LRRIQ3: variants seen among roughly 807,000 people sequenced by gnomAD.
LRRIQ3 encodes leucine rich repeats and IQ motif containing 3, also known as leucine-rich repeat and IQ domain-containing protein 3.
LRRIQ3 carries 75 observed loss-of-function variants against 59.3 expected under a neutral mutation model. The ratio of observed to expected loss-of-function variants is 1.26; its 90% CI spans 1.05 to 1.53. The LOEUF (loss-of-function observed/expected upper bound fraction) is 1.53. Ranked by LOEUF, LRRIQ3 falls within the 40% of genes most tolerant of loss-of-function variation. LRRIQ3 has a pLI of 0.00. For missense variants in LRRIQ3, 831 were observed against 710.0 expected (o/e 1.17, Z -1.94); for synonymous variants, 250 against 231.3 (o/e 1.08, Z -0.73).
chr1:74,160,659 T>A (rs1262685021), intron 3 of LRRIQ3, among the ~76,000 whole-genome samples: 1 of 152,054 alleles, frequency 6.6e-6, no homozygotes, highest in South Asian at 2.1e-4. Flanking sequence ...AAGGTCAGTT[T>A]CTCATATTGA....
chr1:74,091,394 A>G (rs1429717632), intron 5 of LRRIQ3, among the ~76,000 whole-genome samples: 3 of 152,150 alleles, frequency 2.0e-5, no homozygotes, highest in Non-Finnish European at 4.4e-5. Flanking sequence ...GCAGTACACA[A>G]GACCTGAGGT....
chr1:74,195,149 G>C (rs1651024692), intron 1 of LRRIQ3, among the ~76,000 whole-genome samples: 1 of 152,158 alleles, frequency 6.6e-6, no homozygotes. Context: ...GAAATAAATT[G>C]AGAACAGGCT....
At chr1:74,079,532 C>A (rs1415011946) in intron 5 of LRRIQ3, among the ~76,000 whole-genome samples, 2 of 151,722 alleles carry the variant, frequency 1.3e-5, no homozygotes, top group African/African-American at 2.4e-5. Flanking sequence ...TCTCAACATC[C>A]TACTTGTTTT....
chr1:74,147,045 T>C (rs986853884), intron 4 of LRRIQ3, among the ~76,000 whole-genome samples: 13 of 152,188 alleles, frequency 8.5e-5, no homozygotes, highest in African/African-American at 2.6e-4. Context: ...CTGGGCAACA[T>C]TGCGAAACTC....
chr1:74,167,562 TA>T (rs746633730), intron 3 of LRRIQ3, among the ~76,000 whole-genome samples: 52 of 151,576 alleles, frequency 3.4e-4, no homozygotes, highest in Non-Finnish European at 6.5e-4. Context: ...AACTTCCACA[TA>T]TTTTTTTTTA....
chr1:74,028,635 G>A (rs1653593463), intron 7 of LRRIQ3, among the ~76,000 whole-genome samples: 1 of 151,944 alleles, frequency 6.6e-6, no homozygotes, highest in African/African-American at 2.4e-5. Flanking sequence ...AGTACAGGTA[G>A]TAAAGCCATT....
chr1:74,173,754 TTTCAA>T (rs1172171190), intron 3 of LRRIQ3, among the ~76,000 whole-genome samples: 2 of 152,110 alleles, frequency 1.3e-5, no homozygotes, highest in Non-Finnish European at 2.9e-5. Context: ...ATAAATTTTG[TTTCAA>T]TTCAAAAAAC....
At chr1:74,105,257 ATT>A (rs369709404) in intron 5 of LRRIQ3, among the ~76,000 whole-genome samples, 71,644 of 142,312 alleles carry the variant, frequency 0.5, 18,202 homozygotes, top group East Asian at 0.81. Flanking sequence ...GTGTGTGTGT[ATT>A]TTTTTTTTTT....
At chr1:74,071,291 CA>C (rs1655022065) in intron 6 of LRRIQ3, among the ~76,000 whole-genome samples, 1 of 152,004 alleles carries the variant, frequency 6.6e-6, no homozygotes. Context: ...CTTGGCCTCC[CA>C]AAACTCTGAG....
chr1:74,151,299 T>G (rs1647930879), intron 4 of LRRIQ3, among the ~76,000 whole-genome samples: 1 of 152,184 alleles, frequency 6.6e-6, no homozygotes, highest in African/African-American at 2.4e-5. Context: ...ATGTAAACAC[T>G]ACTTTTTAAA....
chr1:74,115,317 CATTTAA>C (rs1335551279), intron 4 of LRRIQ3, among the ~76,000 whole-genome samples: 1 of 152,064 alleles, frequency 6.6e-6, no homozygotes, highest in African/African-American at 2.4e-5. Context: ...AAGGACAAAA[CATTTAA>C]ATTTAACTTT....
At chr1:74,188,619 G>A (rs1650561605) in intron 1 of LRRIQ3, among the ~76,000 whole-genome samples, 3 of 151,984 alleles carry the variant, frequency 2.0e-5, no homozygotes, top group Non-Finnish European at 4.4e-5. Context: ...ATTATTTAAT[G>A]GCCCTGTTTT....
At chr1:74,154,319 T>C (rs1648192683) in intron 4 of LRRIQ3, among the ~76,000 whole-genome samples, 1 of 149,094 alleles carries the variant, frequency 6.7e-6, no homozygotes, top group Non-Finnish European at 1.5e-5. Context: ...AGCATTATAT[T>C]GATCATCTCA....
chr1:74,134,761 A>G (rs1423507483), intron 4 of LRRIQ3, among the ~76,000 whole-genome samples: 1 of 151,938 alleles, frequency 6.6e-6, no homozygotes, highest in Non-Finnish European at 1.5e-5. Flanking sequence ...AACACAGTAA[A>G]AAGCAAGAAA....
intron 6 of LRRIQ3, among the ~76,000 whole-genome samples, chr1:74,053,850 C>A (rs1369609883): frequency 1.3e-5 from 2 of 152,072 alleles, no homozygotes; most frequent in African/African-American, 2.4e-5. Context: ...GGCCAAAATT[C>A]AAAACATTGA....
At chr1:74,157,502 A>G (rs1648408927) in intron 3 of LRRIQ3, among the ~76,000 whole-genome samples, 1 of 152,080 alleles carries the variant, frequency 6.6e-6, no homozygotes, top group South Asian at 2.1e-4. Flanking sequence ...TTTCATTAAG[A>G]GCCCAAAATC....
intron 5 of LRRIQ3, among the ~76,000 whole-genome samples, chr1:74,096,426 T>C (rs1646450342): frequency 6.6e-6 from 1 of 151,932 alleles, no homozygotes; most frequent in Admixed American, 6.6e-5. Context: ...CTGGACCAAT[T>C]ATAGGAAAGC....
At chr1:74,187,314 TGAGA>T (rs1650462347) in intron 1 of LRRIQ3, among the ~76,000 whole-genome samples, 1 of 149,608 alleles carries the variant, frequency 6.7e-6, no homozygotes, top group Non-Finnish European at 1.5e-5. Context: ...TAAAAAAATG[TGAGA>T]GAGATATATA....
Position 74,041,406 on chromosome 1 carries a change from A to T in LRRIQ3, c.1525T>A (p.Ser509Thr), listed in dbSNP as rs767021441. The T allele has an allele frequency of 6.8e-6, 11 of 1,613,760 alleles. 1 individual carries two copies. The highest frequency in any genetic ancestry group is 8.5e-6 in the Non-Finnish European group (10 of 1,179,862). Reference protein sequence around the residue: ...ERKALFLKEKSQKASERLLVQ... With the variant: ...ERKALFLKEKTQKASERLLVQ... Reference sequence around the variant, plus strand: ...AATAAACGCTCTGAAGCCTTTTGGGATTTTTCTTTTAGAAACAGAGCTTTT... The same window carrying T: ...AATAAACGCTCTGAAGCCTTTTGGGTTTTTTCTTTTAGAAACAGAGCTTTT... The change falls in exon 7 of 8, where the codon TCC becomes ACC. Residue 509 changes from serine (S) to threonine (T), a missense_variant. By Grantham distance (58) the Ser-to-Thr change is moderately conservative. Coordinates refer to ENST00000354431, the MANE Select transcript of LRRIQ3 (RefSeq NM_001105659.2).
Sources: gnomAD v4.1 joint callset for allele counts (sites outside exome capture counted in the v4.1 genomes callset) on GRCh38, gnomAD v4.1.1 for gene constraint, MANE v1.5 for transcripts, NCBI Gene and HGNC (gene_info 2026-07-23, HGNC 2026-07-21) for gene names.